HK2: variants seen among roughly 807,000 people sequenced by gnomAD.
HK2 encodes hexokinase-2.
A neutral mutation model predicts 92.9 loss-of-function variants in HK2; 42 were observed. That is an observed-to-expected ratio of 0.45 (90% CI 0.35 to 0.58). HK2 has a LOEUF of 0.58. Ranked by LOEUF, HK2 falls within the 20% of genes least tolerant of loss-of-function variation. The pLI, the probability that HK2 is intolerant of heterozygous loss-of-function variation, is 0.00. For synonymous variants in HK2, 422 were observed against 468.0 expected (o/e 0.90, Z 1.27); for missense variants, 978 against 1,245.1 (o/e 0.79, Z 3.23).
Position 74,882,608 on chromosome 2 carries a change from T to C in HK2, c.1839+369T>C, listed in dbSNP as rs912926567. ...GAAGACCCCATCTCTATTGAACTTATATATATATATATAGCATTTTTAAGC... is the reference window on the plus strand; with the variant it reads ...GAAGACCCCATCTCTATTGAACTTACATATATATATATAGCATTTTTAAGC... On this transcript the variant is annotated intron_variant, in intron 12 of 17. Coordinates refer to ENST00000290573, the MANE Select transcript of HK2 (RefSeq NM_000189.5). Among the ~76,000 whole-genome samples the C allele has an allele frequency of 3.1e-5, 4 of 130,688 alleles. 2 individuals are homozygous for C. Among genetic ancestry groups the C allele is most frequent in the Non-Finnish European group, 6.7e-5 (4 of 59,450 alleles). 85.7% of individuals were successfully genotyped at this position (130,688 alleles called of 152,430 possible).
intron 1 of HK2, among the ~76,000 whole-genome samples, chr2:74,843,592 A>G (rs1349535631): frequency 1.3e-5 from 2 of 152,102 alleles, no homozygotes; most frequent in African/African-American, 4.8e-5. Context: ...CTGGCTCTGG[A>G]AGCCCTTGGG....
rs1246574292 is a variant in HK2, at chr2:74,881,725, T to C, written c.1585T>C (p.Leu529=). 1.2e-6 allele frequency: 2 copies of C among 1,614,092 alleles called. No individual in the cohort carries two copies. The highest frequency in any genetic ancestry group is 3.3e-5 in the Admixed American group (2 of 60,016). Residue 529 remains leucine (L), a synonymous_variant, in exon 11 of 18, where the codon TTG becomes CTG. Coordinates refer to ENST00000290573, the MANE Select transcript of HK2 (RefSeq NM_000189.5). Reference sequence around the variant, plus strand: ...TTATTTTCCAGAGAAAGGGGACTTCTTGGCCTTGGACCTTGGAGGAACAAA... The same window carrying C: ...TTATTTTCCAGAGAAAGGGGACTTCCTGGCCTTGGACCTTGGAGGAACAAA... ...TPDGTEKGDF[L]ALDLGGTNFR...
chr2:74,884,969 C>A (rs975436741), intron 12 of HK2, among the ~76,000 whole-genome samples: 1 of 152,266 alleles, frequency 6.6e-6, no homozygotes, highest in South Asian at 2.1e-4. Context: ...AGCACTTGTT[C>A]GCCAGATGCT....
At chr2:74,878,961 G>A in intron 9 of HK2, 40 bp downstream of exon 9, 1 of 1,494,900 alleles carries the variant, frequency 6.7e-7, no homozygotes, top group Non-Finnish European at 9.1e-7. Flanking sequence ...GGAGTTCCTG[G>A]AGTACCTGGG....
At chr2:74,836,970 G>A (rs1688182622) in intron 1 of HK2, among the ~76,000 whole-genome samples, 1 of 152,162 alleles carries the variant, frequency 6.6e-6, no homozygotes, top group South Asian at 2.1e-4. Context: ...GTCACTTGTC[G>A]TCTCCTGATG....
rs190378201 is a variant in HK2 at position 74,847,799 on chromosome 2, C to T, written c.64-6494C>T. Among the ~76,000 whole-genome samples the T allele has an allele frequency of 6.9e-4, 105 of 152,302 alleles. 1 individual carries two copies. The highest frequency in any genetic ancestry group is 2.2e-3 in the African/African-American group (93 of 41,558). ...TTTGAGTCAGTCGTTTTCATCCCAT[C>T]GGCCTATAACAGGTAGCACAGTGTG... On this transcript the variant is annotated intron_variant, in intron 1 of 17. Coordinates refer to ENST00000290573, the MANE Select transcript of HK2 (RefSeq NM_000189.5).
chr2:74,857,516 C>G (rs1688722533), intron 2 of HK2, among the ~76,000 whole-genome samples: 1 of 152,078 alleles, frequency 6.6e-6, no homozygotes, highest in Non-Finnish European at 1.5e-5. Flanking sequence ...TTAATCGCAC[C>G]TATAATCCCA....
chr2:74,872,013 G>A (rs1689110222), intron 3 of HK2, among the ~76,000 whole-genome samples: 1 of 152,200 alleles, frequency 6.6e-6, no homozygotes, highest in Admixed American at 6.5e-5. Context: ...CTACCTCACA[G>A]GGTTATCTTG....
At chr2:74,868,689 C>T (rs769313822) in intron 3 of HK2, among the ~76,000 whole-genome samples, 100 of 152,180 alleles carry the variant, frequency 6.6e-4, no homozygotes, top group South Asian at 1.0e-3. Context: ...CCCGTTGCCT[C>T]GATCTCCTGC....
chr2:74,878,386 A>G (rs892453663), intron 8 of HK2, among the ~76,000 whole-genome samples: 9 of 150,662 alleles, frequency 6.0e-5, no homozygotes, highest in Admixed American at 6.6e-5. Context: ...CATAAGAAAT[A>G]CTTGTGTTTC....
At chr2:74,875,595 C>T (rs1322807696) in intron 7 of HK2, among the ~76,000 whole-genome samples, 1 of 152,134 alleles carries the variant, frequency 6.6e-6, no homozygotes, top group Non-Finnish European at 1.5e-5. Flanking sequence ...TCCCAAAGTG[C>T]TGGGATTACA....
At chr2:74,868,530 T>C (rs1395775600) in intron 3 of HK2, among the ~76,000 whole-genome samples, 1 of 151,600 alleles carries the variant, frequency 6.6e-6, no homozygotes, top group Non-Finnish European at 1.5e-5. Context: ...TGTTAAGTAT[T>C]TGGCATAGTG....
At chr2:74,887,227 A>G (rs1358801144) in intron 15 of HK2, among the ~76,000 whole-genome samples, 1 of 152,180 alleles carries the variant, frequency 6.6e-6, no homozygotes, top group Non-Finnish European at 1.5e-5. Flanking sequence ...TTTGCAAAAC[A>G]TGTGTCTAGA....
At position 74,878,934 on chromosome 2, in the gene HK2, G is replaced by A; in HGVS notation, c.1265+13G>A. 7 of 1,544,580 alleles carry A rather than the reference G, an allele frequency of 4.5e-6. No homozygotes were observed. Among genetic ancestry groups the A allele is most frequent in the Non-Finnish European group, 6.1e-6 (7 of 1,140,852 alleles). On this transcript the variant is annotated intron_variant, in intron 9 of 17. Coordinates refer to ENST00000290573, the MANE Select transcript of HK2 (RefSeq NM_000189.5). The stretch of plus-strand genomic sequence containing the variant: ...AGAAACACCCCCAGTGAGTCAGTGT[G>A]CAGGGCCTGGAGATGCGGAGTTCCT...
At chr2:74,868,899 G>A (rs185921194) in intron 3 of HK2, among the ~76,000 whole-genome samples, 2 of 152,236 alleles carry the variant, frequency 1.3e-5, no homozygotes, top group Admixed American at 1.3e-4. Context: ...CAACATGCAG[G>A]GGCCAGGCAC....
At position 74,834,729 on chromosome 2, in the gene HK2, C is replaced by A. The variant is rs1371633806; in HGVS notation, c.63+86C>A. Reference sequence around the variant, plus strand: ...GTCTCTTCCTCGACCCTGCGGGGACCCGCTTCCTCCCTACTCCGGGCCTGG... The same window carrying A: ...GTCTCTTCCTCGACCCTGCGGGGACACGCTTCCTCCCTACTCCGGGCCTGG... On this transcript the variant is annotated intron_variant, in intron 1 of 17. Coordinates refer to ENST00000290573, the MANE Select transcript of HK2 (RefSeq NM_000189.5). This position sits in a 1 kb window ranked among gnomAD's most constrained non-coding sequence, Gnocchi z 4.2. The A allele has an allele frequency of 2.8e-6, 4 of 1,441,080 alleles. No homozygotes were observed. Among genetic ancestry groups the A allele is most frequent in the Non-Finnish European group, 9.8e-7 (1 of 1,024,012 alleles). The allele number at this position is 1,441,080 out of a possible 1,614,324, so 89.3% of individuals were successfully genotyped here. A position where few individuals can be genotyped will look rare whatever the true frequency, so the allele number is the denominator to read the frequency against.
In HK2 at chr2:74,886,735, G is replaced by A; in HGVS notation, c.2219+62G>A. The A allele has an allele frequency of 1.9e-6, 3 of 1,543,480 alleles. No homozygotes were observed. In the South Asian group the frequency reaches 3.4e-5, roughly 17 times the overall value. On this transcript the variant is annotated intron_variant, in intron 15 of 17. Coordinates refer to ENST00000290573, the MANE Select transcript of HK2 (RefSeq NM_000189.5). The stretch of plus-strand genomic sequence containing the variant: ...AGGACTGGATGGCAACAAGTGATCA[G>A]AGCTTCCACAATGGCATCTCCCAGG...
rs928924960 is a variant in HK2 at position 74,854,206 on chromosome 2, G to C, written c.64-87G>C. The C allele has an allele frequency of 3.9e-6, 5 of 1,268,912 alleles. No homozygotes were observed. In the East Asian group the frequency reaches 1.2e-4, roughly 30 times the overall value. 78.6% of individuals were successfully genotyped at this position (1,268,912 alleles called of 1,614,324 possible). A position where few individuals can be genotyped will look rare whatever the true frequency, so the allele number is the denominator to read the frequency against. The stretch of plus-strand genomic sequence containing the variant: ...TGTACATAACAGATTTTGTTCTTTT[G>C]AAGAGCTGAGTGGTGTTCCATGACG... On this transcript the variant is annotated intron_variant, in intron 1 of 17. Transcript: ENST00000290573.
intron 1 of HK2, chr2:74,835,112 C>T (rs1443639909): frequency 4.4e-6 from 1 of 227,516 alleles, no homozygotes; most frequent in African/African-American, 2.4e-5. Context: ...GTGTAGGAGA[C>T]GAGCGGTTCC....
Sources: allele counts gnomAD v4.1 joint callset (sites outside exome capture counted in the v4.1 genomes callset), GRCh38; gene constraint gnomAD v4.1.1; non-coding constraint Gnocchi (gnomAD v3.1); transcripts MANE v1.5; gene names NCBI Gene and HGNC (gene_info 2026-07-23, HGNC 2026-07-21).